The following NAA16 variants were observed in gnomAD, a reference collection of about 807,000 sequenced individuals.
NAA16 encodes NARG1-like protein.
NAA16 carries 97 observed loss-of-function variants against 110.3 expected under a neutral mutation model. The ratio of observed to expected loss-of-function variants is 0.88; its 90% CI spans 0.75 to 1.04. The LOEUF is 1.04. Among genes scored for constraint, NAA16 ranks in the 50% least tolerant of loss-of-function variants. NAA16 has a pLI of 0.00. For missense variants in NAA16, 1,017 were observed against 1,005.1 expected, an observed-to-expected ratio of 1.01 and a Z score of -0.16; for synonymous variants, 372 against 330.6, an observed-to-expected ratio of 1.13 and a Z score of -1.36.
intron 8 of NAA16, among the ~76,000 whole-genome samples, chr13:41,333,104 A>G (rs1356228711): frequency 6.6e-6 from 1 of 152,122 alleles, no homozygotes; most frequent in Non-Finnish European, 1.5e-5. Flanking sequence ...TCAGGTTTCT[A>G]TAGGACTTCT....
intron 8 of NAA16, among the ~76,000 whole-genome samples, chr13:41,332,909 A>G (rs1253675277): frequency 1.3e-5 from 2 of 152,190 alleles, no homozygotes; most frequent in Non-Finnish European, 2.9e-5. Context: ...TATGAAGAGT[A>G]GTGTTCTTCT....
At chr13:41,333,623 G>A (rs1010437606) in intron 8 of NAA16, among the ~76,000 whole-genome samples, 3 of 151,984 alleles carry the variant, frequency 2.0e-5, no homozygotes, top group Admixed American at 2.0e-4. Context: ...TTCCTTAGGA[G>A]CTTTAAAATA....
chr13:41,332,426 C>T (rs2139418255), intron 8 of NAA16, among the ~76,000 whole-genome samples: 1 of 152,208 alleles, frequency 6.6e-6, no homozygotes, highest in South Asian at 2.1e-4. Flanking sequence ...TTTTATTGTA[C>T]AATAGTATAT....
rs534312474 is a variant in NAA16 at position 41,312,344 on chromosome 13, C to T, written c.54+762C>T. 2.6e-5 allele frequency among the ~76,000 whole-genome samples: 4 copies of T among 152,236 alleles called. No homozygotes were observed. The East Asian group carries it at 7.7e-4, about 29-fold the overall frequency. On this transcript the variant is annotated intron_variant, in intron 1 of 19. Coordinates refer to ENST00000379406, the MANE Select transcript of NAA16 (RefSeq NM_024561.5). ...TTTTACTTTATCGCGGAGCAGAAGC[C>T]TGAATAATGGCCCCGTAGTGATGAC...
intron 12 of NAA16, among the ~76,000 whole-genome samples, chr13:41,361,468 G>A (rs1376363352): frequency 6.6e-6 from 1 of 152,232 alleles, no homozygotes; most frequent in African/African-American, 2.4e-5. Context: ...CAGAAGATAG[G>A]CAGTACTTCA....
At position 41,375,880 on chromosome 13, in the gene NAA16, A is replaced by G. The variant is rs2043419254; in HGVS notation, c.*278A>G. ...GCTAAGTTGTATACAACCCCACTGT[A>G]TTATTTTCTTTAGATTCTGATTTCA... On this transcript the variant is annotated 3_prime_UTR_variant, in exon 20 of 20. Transcript: ENST00000379406. 1 of 250,878 alleles carries G rather than the reference A, an allele frequency of 4.0e-6. No homozygotes were observed. Among genetic ancestry groups the G allele is most frequent in the East Asian group, 7.9e-5 (1 of 12,628 alleles). The allele number at this position is 250,878 out of a possible 1,614,324, so 15.5% of individuals were successfully genotyped here.
chr13:41,355,118 A>G, intron 9 of NAA16, 26 bp from the exon 10 acceptor site: 1 of 1,420,646 alleles, frequency 7.0e-7, no homozygotes, highest in African/African-American at 1.5e-5. Flanking sequence ...ATATTTTTAA[A>G]TTTTAAAAAT....
chr13:41,337,674 T>C (rs1440247946), intron 9 of NAA16, among the ~76,000 whole-genome samples: 3 of 147,862 alleles, frequency 2.0e-5, no homozygotes, highest in Non-Finnish European at 4.4e-5. Flanking sequence ...GTCTAAAATC[T>C]TGTTGTCTTT....
At chr13:41,373,314 G>T in intron 17 of NAA16, 1 of 533,826 alleles carries the variant, frequency 1.9e-6, no homozygotes, top group Non-Finnish European at 2.4e-6. Flanking sequence ...CTGGAGTGCA[G>T]TAGCACGATC....
chr13:41,324,879 G>T (rs1414802572), intron 5 of NAA16, among the ~76,000 whole-genome samples: 52 of 134,240 alleles, frequency 3.9e-4, no homozygotes, highest in African/African-American at 1.4e-3. Context: ...ACAATGTTGT[G>T]TTTTTTTTTT....
chr13:41,331,503 G>A (rs1047228953), intron 8 of NAA16, 134 bp downstream of exon 8: 5 of 535,796 alleles, frequency 9.3e-6, no homozygotes, highest in Admixed American at 3.3e-5. Flanking sequence ...ACAGTTATGA[G>A]TTTATATGTT....
At chr13:41,317,340 T>G (rs903197662) in intron 2 of NAA16, among the ~76,000 whole-genome samples, 9 of 143,820 alleles carry the variant, frequency 6.3e-5, no homozygotes, top group African/African-American at 2.3e-4. Context: ...TTTTGTTTTG[T>G]TTTTTTTTAG....
At chr13:41,334,692 G>A (rs1327336054) in intron 8 of NAA16, among the ~76,000 whole-genome samples, 4 of 152,146 alleles carry the variant, frequency 2.6e-5, no homozygotes, top group African/African-American at 7.2e-5. Context: ...TGAGCAGTTG[G>A]GTAGCTGTGT....
intron 2 of NAA16, among the ~76,000 whole-genome samples, 177 bp downstream of exon 2, chr13:41,317,107 TA>T (rs1323188595): frequency 1.3e-5 from 2 of 152,166 alleles, no homozygotes; most frequent in African/African-American, 4.8e-5. Context: ...GTATTATCCT[TA>T]AGTATGTATA....
At position 41,316,929 on chromosome 13, in the gene NAA16, A is replaced by AG; in HGVS notation, c.139+1dup. ...CGAACCCAAAATTTGCTGAACATGG[A>AG]GGTATTGTCTCATGTGAGAGATTGC... is the stretch of plus-strand genomic sequence containing the variant. On this transcript the variant is annotated frameshift_variant and splice_region_variant, in exon 2 of 20. Transcript: ENST00000379406. LOFTEE classifies it high-confidence loss of function. The AG allele has an allele frequency of 6.2e-7, 1 of 1,606,620 alleles. No homozygotes were observed. Among genetic ancestry groups the AG allele is most frequent in the Non-Finnish European group, 8.5e-7 (1 of 1,173,316 alleles).
chr13:41,363,965 G>C (rs1876634108), intron 13 of NAA16, among the ~76,000 whole-genome samples: 1 of 152,038 alleles, frequency 6.6e-6, no homozygotes, highest in Admixed American at 6.6e-5. Context: ...ATGTAGAAAT[G>C]TGTTTCGTAT....
chr13:41,343,288 C>T (rs2042600316), intron 9 of NAA16, among the ~76,000 whole-genome samples: 1 of 152,052 alleles, frequency 6.6e-6, no homozygotes, highest in Non-Finnish European at 1.5e-5. Flanking sequence ...TGGGGTCTTG[C>T]TGTATTGTTC....
intron 4 of NAA16, among the ~76,000 whole-genome samples, chr13:41,321,760 A>G (rs1434800460): frequency 4.9e-5 from 2 of 40,930 alleles, no homozygotes; most frequent in Middle Eastern, 0.01. Context: ...TATGTCCAAC[A>G]TGGAATTCTC....
intron 5 of NAA16, among the ~76,000 whole-genome samples, 193 bp from the exon 6 acceptor site, chr13:41,325,505 G>C (rs1264404665): frequency 6.6e-6 from 1 of 151,964 alleles, no homozygotes; most frequent in Non-Finnish European, 1.5e-5. Flanking sequence ...GGAATAGACA[G>C]AAGTCCCACC....
Sources: allele counts gnomAD v4.1 joint callset (sites outside exome capture counted in the v4.1 genomes callset), GRCh38; gene constraint gnomAD v4.1.1; transcripts MANE v1.5; gene names NCBI Gene and HGNC (gene_info 2026-07-23, HGNC 2026-07-21).